The following SLC29A4 variants were observed in gnomAD, a reference collection of about 807,000 sequenced individuals.
SLC29A4 encodes solute carrier family 29 member 4.
A neutral mutation model predicts 43.9 loss-of-function variants in SLC29A4; 36 were observed. That is an observed-to-expected ratio of 0.82 (90% CI 0.63 to 1.08). SLC29A4 has a LOEUF of 1.08. SLC29A4 is among the 50% of genes least tolerant of loss of function. SLC29A4 has a pLI of 0.00. For missense variants in SLC29A4, 869 were observed against 755.3 expected, an observed-to-expected ratio of 1.15 and a Z score of -1.77; for synonymous variants, 491 against 338.0, an observed-to-expected ratio of 1.45 and a Z score of -4.97.
At position 5,299,118 on chromosome 7, in the gene SLC29A4, C is replaced by A. The variant is rs575241722; in HGVS notation, c.1013C>A (p.Thr338Asn). The A allele has an allele frequency of 1.2e-6, 2 of 1,610,132 alleles. No homozygotes were observed. The highest frequency in any genetic ancestry group is 1.1e-5 in the South Asian group (1 of 90,878). ...PRPRVQRSWPTFRALLLHRYV... is the reference protein window; with the variant it reads ...PRPRVQRSWPNFRALLLHRYV... ...CCAAGGGTCCAGCGCAGCTGGCCCA[C>A]CTTCAGAGGTGAGTGCGGGGAGTCC... Residue 338 changes from threonine to asparagine, a missense_variant, in exon 8 of 11, where the codon ACC (threonine) becomes AAC (asparagine). Transcript: ENST00000396872.
At chr7:5,290,916 G>C in intron 3 of SLC29A4, 53 bp downstream of exon 3, 1 of 1,570,222 alleles carries the variant, frequency 6.4e-7, no homozygotes, top group Non-Finnish European at 8.7e-7. Context: ...ATCATGGCCT[G>C]GGGCCTCCCA....
chr7:5,297,887 A>G (rs974996465), intron 7 of SLC29A4, among the ~76,000 whole-genome samples: 1 of 152,102 alleles, frequency 6.6e-6, no homozygotes, highest in Non-Finnish European at 1.5e-5. Context: ...GGTCCCCAGC[A>G]CAGACAGCCC....
intron 10 of SLC29A4, among the ~76,000 whole-genome samples, chr7:5,302,028 G>C (rs1296482777): frequency 6.6e-6 from 1 of 152,156 alleles, no homozygotes; most frequent in African/African-American, 2.4e-5. Context: ...TCAGCTCACT[G>C]CAACCTCTGC....
At chr7:5,284,763 G>A (rs1049121437) in intron 1 of SLC29A4, among the ~76,000 whole-genome samples, 5 of 152,142 alleles carry the variant, frequency 3.3e-5, no homozygotes, top group Admixed American at 1.3e-4. Context: ...TGGCCAAGCC[G>A]GGCAGTGTGG....
Position 5,288,001 on chromosome 7 carries a change from G to T in SLC29A4, c.169+16G>T. On this transcript the variant is annotated intron_variant, in intron 2 of 10. Transcript: ENST00000396872. ...ACGGATACTAGTAAGTAGGCGTGCG[G>T]GCAAGGTGCGGGTCTTGCCCCAAAG... is the stretch of plus-strand genomic sequence containing the variant. 2.5e-6 allele frequency: 4 copies of T among 1,600,740 alleles called. No homozygotes were observed. Among genetic ancestry groups the T allele is most frequent in the Non-Finnish European group, 2.6e-6 (3 of 1,174,702 alleles).
At chr7:5,300,733 A>C in intron 10 of SLC29A4, 71 bp downstream of exon 10, 1 of 1,558,700 alleles carries the variant, frequency 6.4e-7, no homozygotes, top group Non-Finnish European at 8.6e-7. Flanking sequence ...GAGGAAACCC[A>C]GGCTAGACCG....
In SLC29A4 at chr7:5,303,137, T is replaced by G; in HGVS notation, c.*198T>G. ...AAGTCCTCCGAGGACCGGAACACGT[T>G]TCTGCGACCCGGGGCTCTGGCCAGC... On this transcript the variant is annotated 3_prime_UTR_variant, in exon 11 of 11. Transcript: ENST00000396872. 1.5e-6 allele frequency: 1 copy of G among 653,806 alleles called. No individual in the cohort carries two copies. The highest frequency in any genetic ancestry group is 2.6e-6 in the Non-Finnish European group (1 of 387,074). The allele number at this position is 653,806 out of a possible 1,614,324, so 40.5% of individuals were successfully genotyped here.
chr7:5,284,400 C>G (rs1784838594), intron 1 of SLC29A4, among the ~76,000 whole-genome samples: 2 of 152,168 alleles, frequency 1.3e-5, no homozygotes, highest in East Asian at 1.9e-4. Flanking sequence ...TCTTCTTCCT[C>G]TACTGAGTTG....
chr7:5,286,530 A>AT (rs1784960280), intron 1 of SLC29A4, among the ~76,000 whole-genome samples: 1 of 141,632 alleles, frequency 7.1e-6, no homozygotes, highest in African/African-American at 3.0e-5. Flanking sequence ...CTCAAAAAAA[A>AT]AAAAGAAAAA....
chr7:5,288,124 A>G, intron 2 of SLC29A4, 139 bp downstream of exon 2: 1 of 1,134,604 alleles, frequency 8.8e-7, no homozygotes, highest in Non-Finnish European at 1.2e-6. Flanking sequence ...TGTGGATTAG[A>G]TCTGCTGCAT....
chr7:5,290,619 G>C, intron 2 of SLC29A4, 113 bp from the exon 3 acceptor site: 1 of 1,385,766 alleles, frequency 7.2e-7, no homozygotes, highest in Non-Finnish European at 9.8e-7. Flanking sequence ...CAGGGGTCAC[G>C]GTGATGGACA....
At chr7:5,294,308 C>T (rs1270374203) in intron 5 of SLC29A4, among the ~76,000 whole-genome samples, 1 of 152,178 alleles carries the variant, frequency 6.6e-6, no homozygotes, top group Non-Finnish European at 1.5e-5. Flanking sequence ...ATTTGCTAGA[C>T]TCCAAGGTAG....
rs971427582 is a variant in SLC29A4 at position 5,300,337 on chromosome 7, G to A, written c.1210-85G>A. 3.1e-6 allele frequency: 5 copies of A among 1,593,558 alleles called. No homozygotes were observed. The African/African-American group carries it at 4.0e-5, about 13-fold the overall frequency. ...GACAGGCCCAGGAGTGTTTAGGGAT[G>A]GGGATGTGGCTAGAGGCTGTCGGGG... On this transcript the variant is annotated intron_variant, in intron 9 of 10. Coordinates refer to ENST00000396872, the MANE Select transcript of SLC29A4 (RefSeq NM_153247.4).
At chr7:5,299,467 G>T in intron 9 of SLC29A4, 40 bp downstream of exon 9, 5 of 1,585,820 alleles carry the variant, frequency 3.2e-6, no homozygotes, top group Non-Finnish European at 3.4e-6. Context: ...GGACGCCATG[G>T]GGTGGGGGTG....
At position 5,303,753 on chromosome 7, in the gene SLC29A4, C is replaced by T. The variant is rs577599531; in HGVS notation, c.*814C>T. The T allele has an allele frequency of 3.9e-5, 6 of 152,384 alleles. No homozygotes were observed. The highest frequency in any genetic ancestry group is 5.9e-5 in the Non-Finnish European group (4 of 68,096). The allele number at this position is 152,384 out of a possible 1,614,324, so 9.4% of individuals were successfully genotyped here. On this transcript the variant is annotated 3_prime_UTR_variant, in exon 11 of 11. Coordinates refer to ENST00000396872, the MANE Select transcript of SLC29A4 (RefSeq NM_153247.4). Reference sequence around the variant, plus strand: ...CACACCCTGGCTGAAGTCAGCTTGACCTAGGTCTTGACCCTCATCCAGCAA... The same window carrying T: ...CACACCCTGGCTGAAGTCAGCTTGATCTAGGTCTTGACCCTCATCCAGCAA...
chr7:5,292,690 C>CTTTTTTTTTTTTTTT lies in SLC29A4; in HGVS notation c.544+883_544+897dup, dbSNP rs1056329272. On this transcript the variant is annotated intron_variant, in intron 5 of 10. Transcript: ENST00000396872. ...TTCTACCAGCCAAGACATTTTTTTC[C>CTTTTTTTTTTTTTTT]TTTTTTTTTTTTTTTTTTTTTTTTT... 1.0e-3 allele frequency among the ~76,000 whole-genome samples: 68 copies of CTTTTTTTTTTTTTTT among 67,416 alleles called. 8 individuals are homozygous for CTTTTTTTTTTTTTTT. Among genetic ancestry groups the CTTTTTTTTTTTTTTT allele is most frequent in the African/African-American group, 1.4e-3 (22 of 16,080 alleles). The allele number at this position is 67,416 out of a possible 152,430, so 44.2% of individuals were successfully genotyped here.
At position 5,294,937 on chromosome 7, in the gene SLC29A4, G is replaced by A; in HGVS notation, c.619+3G>A. On this transcript the variant is annotated splice_donor_region_variant and intron_variant, in intron 6 of 10. Coordinates refer to ENST00000396872, the MANE Select transcript of SLC29A4 (RefSeq NM_153247.4). ...GCAGGGGGTGATGACCGGGGAGAGTGAGTATCTGCAGACCCCCCGGGGAGG... is the reference window on the plus strand; with the variant it reads ...GCAGGGGGTGATGACCGGGGAGAGTAAGTATCTGCAGACCCCCCGGGGAGG... The A allele has an allele frequency of 3.1e-6, 5 of 1,604,654 alleles. No individual in the cohort carries two copies. Among genetic ancestry groups the A allele is most frequent in the Non-Finnish European group, 4.2e-6 (5 of 1,177,036 alleles).
chr7:5,301,123 G>GT (rs1015291546), intron 10 of SLC29A4, among the ~76,000 whole-genome samples: 1 of 152,110 alleles, frequency 6.6e-6, no homozygotes, highest in African/African-American at 2.4e-5. Context: ...AATTAGCTGG[G>GT]TATGGTAGCG....
rs781021348 is a variant in SLC29A4 at position 5,299,331 on chromosome 7, C to T, written c.1113C>T (p.Phe371=). 4.3e-6 allele frequency: 7 copies of T among 1,611,930 alleles called. No homozygotes were observed. Among genetic ancestry groups the T allele is most frequent in the Admixed American group, 1.7e-5 (1 of 59,986 alleles). The part of the protein sequence containing the change: ...AVTYFITLCL[F]PGLESEIRHC... Reference sequence around the variant, plus strand: ...CCTACTTCATCACGCTGTGCCTGTTCCCCGGCCTCGAGTCTGAGATCCGCC... The same window carrying T: ...CCTACTTCATCACGCTGTGCCTGTTTCCCGGCCTCGAGTCTGAGATCCGCC... The change falls in exon 9 of 11, where the codon TTC becomes TTT. Residue 371 remains phenylalanine, a synonymous_variant. Coordinates refer to ENST00000396872, the MANE Select transcript of SLC29A4 (RefSeq NM_153247.4).
Sources: gnomAD v4.1 joint callset for allele counts (sites outside exome capture counted in the v4.1 genomes callset) on GRCh38, gnomAD v4.1.1 for gene constraint, MANE v1.5 for transcripts, NCBI Gene and HGNC (gene_info 2026-07-23, HGNC 2026-07-21) for gene names.